Variants in EHMT1 observed in about 807,000 individuals in gnomAD.
EHMT1 encodes the protein histone-lysine N-methyltransferase EHMT1.
EHMT1 carries 15 observed loss-of-function variants against 147.2 expected under a neutral mutation model. The observed-to-expected ratio is 0.10, with a 90% CI of 0.07 to 0.16. The LOEUF is 0.16. Ranked by LOEUF, EHMT1 falls within the 10% of genes least tolerant of loss-of-function variation. The pLI, the probability that EHMT1 is intolerant of heterozygous loss-of-function variation, is 1.00. For synonymous variants in EHMT1, 795 were observed against 709.6 expected (o/e 1.12, Z -1.91); for missense variants, 1,587 against 1,772.4 (o/e 0.90, Z 1.88).
intron 9 of EHMT1, among the ~76,000 whole-genome samples, chr9:137,761,990 G>A (rs1399292211): frequency 2.6e-5 from 4 of 152,156 alleles, no homozygotes; most frequent in South Asian, 2.1e-4. Flanking sequence ...TCTCCCATCC[G>A]GGGCTGGGGC....
intron 25 of EHMT1, among the ~76,000 whole-genome samples, chr9:137,826,643 T>C (rs1955829423): frequency 6.6e-6 from 1 of 152,242 alleles, no homozygotes; most frequent in South Asian, 2.1e-4. Context: ...GCCTTCTCAC[T>C]GCGTGATAAC....
At position 137,775,076 on chromosome 9, in the gene EHMT1, C is replaced by T. The variant is rs779654687; in HGVS notation, c.1648-33C>T. The T allele has an allele frequency of 3.3e-5, 53 of 1,613,934 alleles. No individual in the cohort carries two copies. Among genetic ancestry groups the T allele is most frequent in the Non-Finnish European group, 4.4e-5 (52 of 1,180,008 alleles). ...GAGGGAATGCCGGCCTCTCGTGACT[C>T]TGACATTGACCACCAGTCTTGTCTG... On this transcript the variant is annotated intron_variant, in intron 10 of 26. Transcript: ENST00000460843. This position sits in a 1 kb window ranked among gnomAD's most constrained non-coding sequence, Gnocchi z 6.1.
At chr9:137,684,592 A>G (rs1484755669) in intron 1 of EHMT1, among the ~76,000 whole-genome samples, 2 of 152,120 alleles carry the variant, frequency 1.3e-5, no homozygotes, top group African/African-American at 4.8e-5. Flanking sequence ...CCCAGGCTCA[A>G]GCAATCCTAC....
chr9:137,674,144 C>T (rs897568676), intron 1 of EHMT1, among the ~76,000 whole-genome samples: 1 of 152,198 alleles, frequency 6.6e-6, no homozygotes, highest in Non-Finnish European at 1.5e-5. Flanking sequence ...CTCACAGGGT[C>T]TGGAGCGCAG....
In EHMT1 at chr9:137,716,757, A is replaced by T; in HGVS notation, c.217A>T (p.Thr73Ser). The T allele has an allele frequency of 6.2e-7, 1 of 1,612,966 alleles. No individual in the cohort carries two copies. The highest frequency in any genetic ancestry group is 1.7e-5 in the Admixed American group (1 of 59,978). Residue 73 changes from threonine to serine, a missense_variant, in exon 3 of 27, where the codon ACT becomes TCT. Around this residue, in one of 7 missense-constraint regions of EHMT1, gnomAD observed 810 missense variants for 673.0 expected, o/e 1.20. Coordinates refer to ENST00000460843, the MANE Select transcript of EHMT1 (RefSeq NM_024757.5). ...CAGTCATGCAAATGCTGCAAAGCAC[A>T]CTCAGGACAGCGCAAGGGTCAACCC... ...ASSHANAAKH[T>S]QDSARVNPQD...
At chr9:137,621,001 A>G (rs1242033384) in intron 1 of EHMT1, among the ~76,000 whole-genome samples, 1 of 152,210 alleles carries the variant, frequency 6.6e-6, no homozygotes, top group Non-Finnish European at 1.5e-5. Context: ...CTCCCCGTTT[A>G]TAAATGAGAA....
intron 10 of EHMT1, among the ~76,000 whole-genome samples, chr9:137,769,619 A>G (rs1950466519): frequency 6.7e-6 from 1 of 149,684 alleles, no homozygotes; most frequent in Admixed American, 6.7e-5. Context: ...TCCTTTGCAT[A>G]CTATATGTCA....
chr9:137,740,978 T>TG lies in EHMT1; in HGVS notation c.824-2393_824-2392insG, dbSNP rs1370389930. On this transcript the variant is annotated intron_variant, in intron 4 of 26. Coordinates refer to ENST00000460843, the MANE Select transcript of EHMT1 (RefSeq NM_024757.5). ...CCACTGCACTGGGCCCCGACATGAT[T>TG]TTTTTTTTGTTTGTTTGAGACAGAG... Among the ~76,000 whole-genome samples, 51 of 148,294 alleles carry TG rather than the reference T, an allele frequency of 3.4e-4. 1 individual carries two copies. The highest frequency in any genetic ancestry group is 1.7e-3 in the Admixed American group (26 of 15,002).
At chr9:137,674,586 T>G (rs1276726427) in intron 1 of EHMT1, among the ~76,000 whole-genome samples, 2 of 152,206 alleles carry the variant, frequency 1.3e-5, no homozygotes, top group Admixed American at 1.3e-4. Context: ...TGCCTACGAT[T>G]GCACGACTCA....
intron 3 of EHMT1, 51 bp from the exon 4 acceptor site, chr9:137,728,298 A>G: frequency 6.2e-7 from 1 of 1,612,532 alleles, no homozygotes; most frequent in Non-Finnish European, 8.5e-7. Context: ...ATGTTATTTC[A>G]GTGACCACCT....
intron 18 of EHMT1, among the ~76,000 whole-genome samples, chr9:137,806,989 C>G (rs1192390094): frequency 6.6e-6 from 1 of 152,194 alleles, no homozygotes; most frequent in Non-Finnish European, 1.5e-5. Context: ...GGATTTTCCT[C>G]TAAGCCTTAG....
rs1951938083 is a variant in EHMT1 at position 137,786,033 on chromosome 9, C to T, written c.2382+3636C>T. ...GTGGGGCTGAGTGGCCTGGCCCTGC[C>T]AGGGCTCCCTGCTGACTGCCTGTGC... On this transcript the variant is annotated intron_variant, in intron 15 of 26. Coordinates refer to ENST00000460843, the MANE Select transcript of EHMT1 (RefSeq NM_024757.5). The surrounding 1 kb of genome is among the most constrained non-coding windows in gnomAD (Gnocchi z 4.3). 1 of 152,518 alleles carries T rather than the reference C, an allele frequency of 6.6e-6. No homozygotes were observed. Among genetic ancestry groups the T allele is most frequent in the African/African-American group, 2.4e-5 (1 of 41,462 alleles). The allele number at this position is 152,518 out of a possible 1,614,324, so 9.4% of individuals were successfully genotyped here.
intron 10 of EHMT1, among the ~76,000 whole-genome samples, chr9:137,766,294 A>G (rs1391691276): frequency 6.6e-6 from 1 of 152,092 alleles, no homozygotes; most frequent in Non-Finnish European, 1.5e-5. Flanking sequence ...TTTATTATTC[A>G]TTGTTCACTG....
rs906793305 is a variant in EHMT1 at position 137,787,513 on chromosome 9, C to G, written c.2383-3335C>G. Among the ~76,000 whole-genome samples the G allele has an allele frequency of 2.6e-5, 4 of 152,212 alleles. No individual in the cohort carries two copies. The highest frequency in any genetic ancestry group is 5.9e-5 in the Non-Finnish European group (4 of 68,042). ...CGTGCCCAGCTCGGCCACGGCCACA[C>G]GTGGGGTAGTTAGTAAACACCATGG... On this transcript the variant is annotated intron_variant, in intron 15 of 26. Transcript: ENST00000460843. The surrounding 1 kb of genome is among the most constrained non-coding windows in gnomAD (Gnocchi z 4.2).
intron 4 of EHMT1, among the ~76,000 whole-genome samples, chr9:137,735,042 A>G (rs1947414632): frequency 6.6e-6 from 1 of 152,236 alleles, no homozygotes; most frequent in Admixed American, 6.5e-5. Flanking sequence ...CTAGTATTGT[A>G]ACAGTGGTTT....
At chr9:137,663,992 C>CTTACAGATTATATATT (rs901455425) in intron 1 of EHMT1, among the ~76,000 whole-genome samples, 7 of 152,166 alleles carry the variant, frequency 4.6e-5, no homozygotes, top group Admixed American at 1.3e-4. Context: ...AAAAATTTAT[C>CTTACAGATTATATATT]TTACAGATTA....
intron 1 of EHMT1, among the ~76,000 whole-genome samples, chr9:137,709,319 G>A (rs1166039028): frequency 6.6e-6 from 1 of 152,156 alleles, no homozygotes; most frequent in African/African-American, 2.4e-5. Flanking sequence ...CTGCATGTTC[G>A]AGGGCTGGCC....
intron 25 of EHMT1, among the ~76,000 whole-genome samples, chr9:137,833,243 G>A (rs929958332): frequency 5.9e-5 from 9 of 152,316 alleles, no homozygotes; most frequent in African/African-American, 2.2e-4. Flanking sequence ...CTCGGAACTC[G>A]GTCCTGGAAA....
At chr9:137,760,798 A>G (rs3125797) in intron 9 of EHMT1, among the ~76,000 whole-genome samples, 1,954 of 152,332 alleles carry the variant, frequency 0.013, 43 homozygotes, top group African/African-American at 0.045. Context: ...TCACAAGGTC[A>G]GGAGATCGAG....
Sources: allele counts gnomAD v4.1 joint callset (sites outside exome capture counted in the v4.1 genomes callset), GRCh38; gene constraint gnomAD v4.1.1; regional missense constraint gnomAD v4.1.1; non-coding constraint Gnocchi (gnomAD v3.1); transcripts MANE v1.5; gene names NCBI Gene and HGNC (gene_info 2026-07-23, HGNC 2026-07-21).